RANBP2: variants seen among roughly 807,000 people sequenced by gnomAD.
The protein encoded by RANBP2 is RAN binding protein 2.
A neutral mutation model predicts 303.6 loss-of-function variants in RANBP2; 57 were observed. That is an observed-to-expected ratio of 0.19 (90% CI 0.15 to 0.23). RANBP2 has a LOEUF of 0.23. Among genes scored for constraint, RANBP2 ranks in the 10% least tolerant of loss-of-function variants. RANBP2 has a pLI of 1.00. For missense variants in RANBP2, 3,138 were observed against 3,780.8 expected (o/e 0.83, Z 4.46); for synonymous variants, 1,167 against 1,301.5 (o/e 0.90, Z 2.23).
Position 108,767,647 on chromosome 2 carries a change from A to G in RANBP2, c.7108A>G (p.Ile2370Val). 2.5e-6 allele frequency: 4 copies of G among 1,612,026 alleles called. No individual in the cohort carries two copies. Among genetic ancestry groups the G allele is most frequent in the Non-Finnish European group, 3.4e-6 (4 of 1,179,844 alleles). The change falls in exon 20 of 29, where the codon ATA becomes GTA. Residue 2370 changes from isoleucine (I) to valine (V), a missense_variant. By Grantham distance (29) the Ile-to-Val change is conservative (BLOSUM62 3). Around this residue, in one of 20 missense-constraint regions of RANBP2, gnomAD observed 92 missense variants for 211.0 expected, o/e 0.44. Transcript: ENST00000283195. ...LQNYDNKQVR[I>V]VMRRDQVLKL... The stretch of plus-strand genomic sequence containing the variant: ...GAATTATGATAATAAGCAAGTTCGT[A>G]TAGTGATGAGAAGGGACCAAGTATT...
the RANBP2 span, among the ~76,000 whole-genome samples, chr2:109,125,885 G>A: frequency 1.6e-4 from 24 of 152,232 alleles, no homozygotes; most frequent in African/African-American, 5.8e-4. Context: ...ACTTCAACCA[G>A]AAATTGTAAA....
chr2:108,804,031 A>G, the RANBP2 span, among the ~76,000 whole-genome samples: 2 of 152,296 alleles, frequency 1.3e-5, no homozygotes, highest in South Asian at 2.1e-4. Context: ...TCACAGGGCT[A>G]AAGAATGCTT....
the RANBP2 span, among the ~76,000 whole-genome samples, chr2:109,042,799 C>T: frequency 6.6e-6 from 1 of 152,162 alleles, no homozygotes; most frequent in Non-Finnish European, 1.5e-5. Flanking sequence ...GTTTACACTA[C>T]CTTTAGAATT....
At chr2:109,080,702 A>G in the RANBP2 span, among the ~76,000 whole-genome samples, 2,340 of 152,300 alleles carry the variant, frequency 0.015, 64 homozygotes, top group African/African-American at 0.053. Flanking sequence ...GGAACATTAT[A>G]GAAGCCATGT....
the RANBP2 span, among the ~76,000 whole-genome samples, chr2:109,033,085 C>A: frequency 2.6e-5 from 4 of 152,222 alleles, no homozygotes; most frequent in Non-Finnish European, 5.9e-5. Flanking sequence ...ATGATCCATG[C>A]CTTGAGTGGA....
At chr2:109,762,982 G>A in the RANBP2 span, among the ~76,000 whole-genome samples, 1 of 145,094 alleles carries the variant, frequency 6.9e-6, no homozygotes, top group Non-Finnish European at 1.5e-5. Context: ...TATGGTTTAC[G>A]TAAATTTTTA....
chr2:109,392,525 T>G, the RANBP2 span, among the ~76,000 whole-genome samples: 1 of 152,078 alleles, frequency 6.6e-6, no homozygotes, highest in South Asian at 2.1e-4. Context: ...CTTTTTTTTT[T>G]TGGAGACGGA....
the RANBP2 span, among the ~76,000 whole-genome samples, chr2:109,420,090 C>T: frequency 6.6e-6 from 1 of 152,222 alleles, no homozygotes; most frequent in South Asian, 2.1e-4. Flanking sequence ...GCCACACCAG[C>T]GCATGCCAGC....
intron 1 of RANBP2, among the ~76,000 whole-genome samples, chr2:108,725,551 A>G (rs577519157): frequency 8.3e-4 from 127 of 152,152 alleles, no homozygotes; most frequent in Non-Finnish European, 1.3e-3. Context: ...CACAAGGTCA[A>G]GAGATCGAGA....
chr2:108,976,859 T>C, the RANBP2 span, among the ~76,000 whole-genome samples: 1 of 152,100 alleles, frequency 6.6e-6, no homozygotes, highest in South Asian at 2.1e-4. Context: ...TACAAGGTGC[T>C]CCAGGCTCCT....
the RANBP2 span, among the ~76,000 whole-genome samples, chr2:109,011,638 G>A: frequency 1.3e-5 from 2 of 152,124 alleles, no homozygotes; most frequent in African/African-American, 4.8e-5. Flanking sequence ...CTGTTATGAG[G>A]ATATTGGAGC....
chr2:109,203,695 C>G, the RANBP2 span, among the ~76,000 whole-genome samples: 1 of 152,134 alleles, frequency 6.6e-6, no homozygotes, highest in Non-Finnish European at 1.5e-5. Context: ...GCACTTCCAC[C>G]CCCTGGGCCT....
rs547248426 is a variant in RANBP2 at position 108,721,186 on chromosome 2, C to T, written c.72+1508C>T. Among the ~76,000 whole-genome samples, 325 of 152,222 alleles carry T rather than the reference C, an allele frequency of 2.1e-3. 3 individuals are homozygous for T. Among genetic ancestry groups the T allele is most frequent in the Middle Eastern group, 0.01 (3 of 294 alleles). ...CCAGCAGCCCTGTGGATATTGAGAC[C>T]TGTAGAGATTTAAGATACTTGTTCA... On this transcript the variant is annotated intron_variant, in intron 1 of 28. Transcript: ENST00000283195.
the RANBP2 span, among the ~76,000 whole-genome samples, chr2:109,093,416 AAAAAAAAAAGAAAG>A: frequency 1.3e-5 from 2 of 151,514 alleles, no homozygotes; most frequent in African/African-American, 4.8e-5. Flanking sequence ...TAAAAAAAAA[AAAAAAAAAAGAAAG>A]AAAAAAAAAG....
the RANBP2 span, among the ~76,000 whole-genome samples, chr2:109,135,183 G>A: frequency 2.6e-5 from 4 of 152,282 alleles, no homozygotes; most frequent in African/African-American, 7.2e-5. Context: ...GTGAGCAAAC[G>A]GTGACCCAGC....
At chr2:109,618,922 T>C in the RANBP2 span, 1 of 167,230 alleles carries the variant, frequency 6.0e-6, no homozygotes, top group Admixed American at 6.5e-5. Context: ...TATTTTTAAA[T>C]AAGTGAAATT....
At chr2:109,657,123 C>T in the RANBP2 span, among the ~76,000 whole-genome samples, 1 of 152,152 alleles carries the variant, frequency 6.6e-6, no homozygotes, top group Non-Finnish European at 1.5e-5. Flanking sequence ...CCTAGTATCA[C>T]CTGAGTGCCC....
chr2:108,870,774 A>G, the RANBP2 span, among the ~76,000 whole-genome samples: 1 of 152,230 alleles, frequency 6.6e-6, no homozygotes, highest in African/African-American at 2.4e-5. Context: ...TGCCTGGAGT[A>G]GAGAAATAAG....
chr2:109,104,971 GTTA>G, the RANBP2 span, among the ~76,000 whole-genome samples: 6 of 152,222 alleles, frequency 3.9e-5, no homozygotes, highest in Non-Finnish European at 5.9e-5. Flanking sequence ...GTAAACTACT[GTTA>G]GAGTAGGTAG....
Sources: allele counts gnomAD v4.1 joint callset (sites outside exome capture counted in the v4.1 genomes callset), GRCh38; gene constraint gnomAD v4.1.1; regional missense constraint gnomAD v4.1.1; transcripts MANE v1.5; gene names NCBI Gene and HGNC (gene_info 2026-07-23, HGNC 2026-07-21).